EVA1C: variants seen among roughly 807,000 people sequenced by gnomAD.
EVA1C encodes the protein eva-1 homolog C.
In EVA1C, 25 loss-of-function variants were observed where a neutral mutation model predicts 45.4. The ratio of observed to expected loss-of-function variants is 0.55; its 90% confidence interval spans 0.40 to 0.77. The LOEUF (loss-of-function observed/expected upper bound fraction) is 0.77, where lower values mean the gene tolerates loss of function less well. Ranked by LOEUF, EVA1C falls within the 30% of genes least tolerant of loss-of-function variation. EVA1C has a pLI of 0.00. For synonymous variants in EVA1C, 190 were observed against 221.2 expected (o/e 0.86, Z 1.25); for missense variants, 479 against 554.8 (o/e 0.86, Z 1.37).
At chr21:32,468,298 G>A (rs1053335785) in intron 4 of EVA1C, among the ~76,000 whole-genome samples, 2 of 151,870 alleles carry the variant, frequency 1.3e-5, no homozygotes, top group African/African-American at 4.8e-5. Flanking sequence ...GAACCCGGGA[G>A]GTGAAGGTTG....
At chr21:32,427,774 G>C (rs889990937) in intron 1 of EVA1C, among the ~76,000 whole-genome samples, 1 of 149,672 alleles carries the variant, frequency 6.7e-6, no homozygotes, top group Non-Finnish European at 1.5e-5. Context: ...TCTCAGCACT[G>C]TGGGAGGCCA....
chr21:32,502,992 G>A (rs2037607951), intron 6 of EVA1C, among the ~76,000 whole-genome samples: 1 of 152,172 alleles, frequency 6.6e-6, no homozygotes, highest in Admixed American at 6.5e-5. Context: ...CCCTGCAGTG[G>A]GGGCCTGAGA....
At chr21:32,496,135 C>T (rs1568944287) in intron 5 of EVA1C, among the ~76,000 whole-genome samples, 1 of 152,220 alleles carries the variant, frequency 6.6e-6, no homozygotes. Flanking sequence ...CCTTAGCAGT[C>T]AGCCCACCAA....
chr21:32,436,727 A>G (rs1218986733), intron 1 of EVA1C, among the ~76,000 whole-genome samples: 2 of 152,282 alleles, frequency 1.3e-5, no homozygotes, highest in Non-Finnish European at 2.9e-5. Context: ...CTGGGCTCCC[A>G]TGCACTGCGG....
chr21:32,429,255 G>C (rs550123687), intron 1 of EVA1C, among the ~76,000 whole-genome samples: 2 of 152,152 alleles, frequency 1.3e-5, no homozygotes, highest in Non-Finnish European at 2.9e-5. Context: ...TGGCTAGGCA[G>C]GTCTTGAACT....
intron 1 of EVA1C, among the ~76,000 whole-genome samples, chr21:32,437,715 C>G (rs1218356530): frequency 6.6e-6 from 1 of 152,164 alleles, no homozygotes; most frequent in African/African-American, 2.4e-5. Flanking sequence ...CCTTCCTCAT[C>G]TCTGGGGTGG....
intron 1 of EVA1C, among the ~76,000 whole-genome samples, chr21:32,442,663 TAA>T (rs111617678): frequency 2.1e-4 from 23 of 111,246 alleles, no homozygotes; most frequent in Non-Finnish European, 1.8e-4. Flanking sequence ...TGGCAGGTTA[TAA>T]AAAAAAAAAA....
In EVA1C at chr21:32,468,909, C is replaced by T. The variant is rs576718964; in HGVS notation, c.634+1061C>T. Among the ~76,000 whole-genome samples, 24 of 152,242 alleles carry T rather than the reference C, an allele frequency of 1.6e-4. No homozygotes were observed. In the East Asian group the frequency reaches 2.9e-3, roughly 18 times the overall value. ...CATCACAGTAGGGTTATACACAGGGCGCCGTCTGAGTGGATTAGGGCCCTG... is the reference window on the plus strand; with the variant it reads ...CATCACAGTAGGGTTATACACAGGGTGCCGTCTGAGTGGATTAGGGCCCTG... On this transcript the variant is annotated intron_variant, in intron 4 of 7. Transcript: ENST00000300255.
intron 1 of EVA1C, among the ~76,000 whole-genome samples, chr21:32,427,796 T>A (rs555440861): frequency 7.0e-6 from 1 of 142,842 alleles, no homozygotes; most frequent in Non-Finnish European, 1.5e-5. Flanking sequence ...GGTGGGAGGA[T>A]GACTTGAAGG....
chr21:32,429,315 T>A (rs1454637392), intron 1 of EVA1C, among the ~76,000 whole-genome samples: 8 of 134,472 alleles, frequency 5.9e-5, no homozygotes, highest in East Asian at 2.3e-4. Context: ...TGCTGGGATT[T>A]CAGGCGTGAG....
At chr21:32,508,224 G>A (rs2037837834) in intron 7 of EVA1C, among the ~76,000 whole-genome samples, 2 of 152,180 alleles carry the variant, frequency 1.3e-5, no homozygotes, top group Admixed American at 1.3e-4. Context: ...CTGGCTTTGG[G>A]TGTTTACCTC....
chr21:32,438,067 C>T (rs948248855), intron 1 of EVA1C, among the ~76,000 whole-genome samples: 12 of 152,164 alleles, frequency 7.9e-5, no homozygotes, highest in African/African-American at 2.7e-4. Flanking sequence ...TTGCTCACCC[C>T]CACCCTGCTT....
chr21:32,491,289 G>A (rs2037144889), intron 4 of EVA1C, among the ~76,000 whole-genome samples: 3 of 152,138 alleles, frequency 2.0e-5, no homozygotes, highest in Admixed American at 1.3e-4. Context: ...AGCTAGGAAG[G>A]TAGAAAAGGC....
intron 2 of EVA1C, among the ~76,000 whole-genome samples, chr21:32,455,624 G>A (rs1323764729): frequency 1.3e-5 from 2 of 152,100 alleles, no homozygotes; most frequent in African/African-American, 4.8e-5. Context: ...TGAAAGGAAT[G>A]TTGGCCAGTA....
intron 4 of EVA1C, among the ~76,000 whole-genome samples, chr21:32,492,133 G>A (rs555795704): frequency 2.0e-5 from 3 of 152,318 alleles, no homozygotes; most frequent in African/African-American, 7.2e-5. Context: ...GGGCAGGCCT[G>A]CAGAGGGCAC....
intron 3 of EVA1C, among the ~76,000 whole-genome samples, chr21:32,459,838 CAAA>C (rs35572319): frequency 1.6e-5 from 1 of 63,174 alleles, no homozygotes; most frequent in Non-Finnish European, 3.2e-5. Flanking sequence ...GAGACTGTCT[CAAA>C]AAAAAAAAAA....
intron 4 of EVA1C, among the ~76,000 whole-genome samples, chr21:32,478,871 T>C (rs1374702102): frequency 6.6e-6 from 1 of 152,206 alleles, no homozygotes; most frequent in Non-Finnish European, 1.5e-5. Context: ...ACAATAGGCC[T>C]CAAAGGCTGG....
chr21:32,429,504 C>A (rs2034616740), intron 1 of EVA1C, among the ~76,000 whole-genome samples: 1 of 151,348 alleles, frequency 6.6e-6, no homozygotes, highest in Admixed American at 6.6e-5. Context: ...TAGTCACGCA[C>A]CCCTACACCC....
Position 32,479,776 on chromosome 21 carries a change from C to G in EVA1C, c.634+11928C>G, listed in dbSNP as rs1435150389. The stretch of plus-strand genomic sequence containing the variant: ...GACCAGCCTGGGCAACATAGTGAGA[C>G]CCCTATATCTACAAAAAAAATTTAA... On this transcript the variant is annotated intron_variant, in intron 4 of 7. Coordinates refer to ENST00000300255, the MANE Select transcript of EVA1C (RefSeq NM_058187.5). Among the ~76,000 whole-genome samples, 7 of 151,612 alleles carry G rather than the reference C, an allele frequency of 4.6e-5. No individual in the cohort carries two copies. The East Asian group carries it at 9.9e-4, about 21-fold the overall frequency.
Sources: gnomAD v4.1 joint callset for allele counts (sites outside exome capture counted in the v4.1 genomes callset) on GRCh38, gnomAD v4.1.1 for gene constraint, MANE v1.5 for transcripts, NCBI Gene and HGNC (gene_info 2026-07-23, HGNC 2026-07-21) for gene names.